Variants in GRID2 observed in about 807,000 individuals in gnomAD.
GRID2 encodes the protein glutamate ionotropic receptor delta type subunit 2.
GRID2 carries 33 observed loss-of-function variants against 114.8 expected under a neutral mutation model. The ratio of observed to expected loss-of-function variants is 0.29; its 90% CI spans 0.22 to 0.38. GRID2 has a LOEUF of 0.38. GRID2 is among the 10% of genes least tolerant of loss of function. The probability of loss-of-function intolerance (pLI) is 1.00; values close to 1 mark genes in which losing one functional copy is unlikely to be tolerated. For missense variants in GRID2, 1,184 were observed against 1,257.7 expected, an observed-to-expected ratio of 0.94 and a Z score of 0.89; for synonymous variants, 505 against 449.9, an observed-to-expected ratio of 1.12 and a Z score of -1.55.
chr4:92,614,795 T>C (rs1729927829), intron 2 of GRID2, among the ~76,000 whole-genome samples: 1 of 151,704 alleles, frequency 6.6e-6, no homozygotes, highest in Non-Finnish European at 1.5e-5. Flanking sequence ...AGTATTAAAA[T>C]CAATAGCATT....
chr4:93,194,981 G>T (rs570093603), intron 4 of GRID2, among the ~76,000 whole-genome samples: 1 of 152,270 alleles, frequency 6.6e-6, no homozygotes, highest in South Asian at 2.1e-4. Context: ...AGAATTATGA[G>T]AGTGGCTTAA....
chr4:93,392,935 C>A (rs906961763), intron 8 of GRID2, among the ~76,000 whole-genome samples: 14 of 151,918 alleles, frequency 9.2e-5, no homozygotes, highest in African/African-American at 3.4e-4. Flanking sequence ...GGTAAGGGCA[C>A]CTTCTCATAT....
intron 8 of GRID2, among the ~76,000 whole-genome samples, chr4:93,328,129 CA>C (rs11287355): frequency 0.4 from 59,019 of 148,098 alleles, 11,745 homozygotes; most frequent in East Asian, 0.63. Context: ...AAAACAAAAA[CA>C]AAAAAAAAAC....
chr4:92,944,027 G>T (rs1458256048), intron 2 of GRID2, among the ~76,000 whole-genome samples: 2 of 152,132 alleles, frequency 1.3e-5, no homozygotes, highest in Non-Finnish European at 2.9e-5. Context: ...GCTACTCAGG[G>T]GTCAGGGACC....
chr4:92,384,523 A>ATTATATATT (rs1174453630), intron 1 of GRID2, among the ~76,000 whole-genome samples: 1,044 of 31,400 alleles, frequency 0.033, 66 homozygotes, highest in African/African-American at 0.14. Flanking sequence ...AATATTATAT[A>ATTATATATT]ATATAATATA....
chr4:92,740,690 TGATAGATAGATA>T (rs71579576), intron 2 of GRID2, among the ~76,000 whole-genome samples: 4,317 of 121,232 alleles, frequency 0.036, 90 homozygotes, highest in Admixed American at 0.082. Flanking sequence ...GATAGATAGA[TGATAGATAGATA>T]GATAGATAGA....
intron 14 of GRID2, among the ~76,000 whole-genome samples, chr4:93,714,183 T>C (rs1022247731): frequency 4.6e-5 from 7 of 151,962 alleles, no homozygotes; most frequent in Non-Finnish European, 7.4e-5. Context: ...AGTGAGAACA[T>C]GTGGTGTTTG....
intron 14 of GRID2, among the ~76,000 whole-genome samples, chr4:93,672,506 G>A (rs527757875): frequency 3.3e-5 from 5 of 152,294 alleles, no homozygotes; most frequent in African/African-American, 1.2e-4. Context: ...ATTTAGAAAC[G>A]TGGCATGCCA....
intron 2 of GRID2, among the ~76,000 whole-genome samples, chr4:92,927,986 A>C (rs34311729): frequency 0.36 from 55,182 of 151,422 alleles, 10,746 homozygotes; most frequent in Middle Eastern, 0.54. Flanking sequence ...AAAATGTTTC[A>C]AATTTTACAG....
chr4:92,609,612 G>C (rs1253252059), intron 2 of GRID2, among the ~76,000 whole-genome samples: 1 of 149,000 alleles, frequency 6.7e-6, no homozygotes, highest in Non-Finnish European at 1.5e-5. Context: ...ACAGTTACTG[G>C]AAATAATATA....
chr4:92,955,994 C>T (rs976914878), intron 2 of GRID2, among the ~76,000 whole-genome samples: 8 of 152,172 alleles, frequency 5.3e-5, no homozygotes, highest in Non-Finnish European at 5.9e-5. Context: ...GCTGGGATCA[C>T]AGGCATGAGC....
intron 14 of GRID2, among the ~76,000 whole-genome samples, chr4:93,697,958 T>C (rs1727190098): frequency 6.7e-6 from 1 of 149,590 alleles, no homozygotes; most frequent in African/African-American, 2.4e-5. Context: ...TTTCTTCTAT[T>C]TTCTATTTTT....
chr4:93,692,075 C>T (rs1404892235), intron 14 of GRID2, among the ~76,000 whole-genome samples: 1 of 151,966 alleles, frequency 6.6e-6, no homozygotes, highest in East Asian at 1.9e-4. Flanking sequence ...ACAATTCTTA[C>T]CTACATAGAA....
intron 2 of GRID2, among the ~76,000 whole-genome samples, chr4:93,044,277 G>A (rs937114539): frequency 6.6e-6 from 1 of 151,884 alleles, no homozygotes; most frequent in Non-Finnish European, 1.5e-5. Flanking sequence ...TAGAAACGTT[G>A]TTATATCTTT....
chr4:93,763,799 T>C (rs1242116666), intron 14 of GRID2, among the ~76,000 whole-genome samples: 1 of 152,176 alleles, frequency 6.6e-6, no homozygotes, highest in Non-Finnish European at 1.5e-5. Flanking sequence ...GAAGCAATAA[T>C]GTCTGCAACC....
intron 13 of GRID2, among the ~76,000 whole-genome samples, chr4:93,616,705 G>A (rs996303926): frequency 1.3e-5 from 2 of 151,190 alleles, no homozygotes; most frequent in Non-Finnish European, 2.9e-5. Context: ...TAGAGGGCAA[G>A]TATCTGGACA....
chr4:92,449,081 G>C (rs961689430), intron 1 of GRID2, among the ~76,000 whole-genome samples: 2 of 151,962 alleles, frequency 1.3e-5, no homozygotes, highest in Admixed American at 1.3e-4. Flanking sequence ...ACATGATTTA[G>C]TTAGCTATTT....
chr4:93,292,685 A>G (rs1315693116), intron 8 of GRID2, among the ~76,000 whole-genome samples: 1 of 152,224 alleles, frequency 6.6e-6, no homozygotes, highest in East Asian at 1.9e-4. Flanking sequence ...TTTTAAAAAT[A>G]GTGGTTTTTA....
At chr4:92,618,012 A>G (rs184663933) in intron 2 of GRID2, among the ~76,000 whole-genome samples, 1 of 151,654 alleles carries the variant, frequency 6.6e-6, no homozygotes, top group Admixed American at 6.6e-5. Flanking sequence ...AGAAGCTTTT[A>G]GGTTTGACAT....
Sources: gnomAD v4.1 joint callset for allele counts (sites outside exome capture counted in the v4.1 genomes callset) on GRCh38, gnomAD v4.1.1 for gene constraint, MANE v1.5 for transcripts, NCBI Gene and HGNC (gene_info 2026-07-23, HGNC 2026-07-21) for gene names.